The following ACSBG2 variants were observed in gnomAD, a reference collection of about 807,000 sequenced individuals.
ACSBG2 encodes the protein acyl-CoA synthetase bubblegum family member 2.
ACSBG2 carries 62 observed loss-of-function variants against 74.7 expected under a neutral mutation model. The ratio of observed to expected loss-of-function variants is 0.83; its 90% CI spans 0.68 to 1.03. ACSBG2 has a LOEUF of 1.03. ACSBG2 is among the 50% of genes least tolerant of loss of function. ACSBG2 has a pLI of 0.00. For synonymous variants in ACSBG2, 309 were observed against 294.1 expected (o/e 1.05, Z -0.52); for missense variants, 730 against 817.6 (o/e 0.89, Z 1.31).
intron 8 of ACSBG2, among the ~76,000 whole-genome samples, chr19:6,179,472 T>C (rs1311807775): frequency 2.0e-5 from 3 of 151,900 alleles, no homozygotes; most frequent in Admixed American, 6.6e-5. Flanking sequence ...ACTAATTTGT[T>C]TTACAGTGAT....
At chr19:6,179,847 A>T (rs1310539291) in intron 8 of ACSBG2, among the ~76,000 whole-genome samples, 1 of 152,098 alleles carries the variant, frequency 6.6e-6, no homozygotes, top group Admixed American at 6.6e-5. Flanking sequence ...TCTTGAACTC[A>T]AGTGATCTGC....
intron 6 of ACSBG2, among the ~76,000 whole-genome samples, chr19:6,164,789 A>G (rs1308903047): frequency 2.0e-5 from 3 of 152,136 alleles, no homozygotes; most frequent in Admixed American, 6.6e-5. Flanking sequence ...TGGGGGTTCA[A>G]TGGTAGAATT....
At chr19:6,145,952 G>A (rs2089015702) in intron 2 of ACSBG2, among the ~76,000 whole-genome samples, 1 of 151,998 alleles carries the variant, frequency 6.6e-6, no homozygotes, top group Non-Finnish European at 1.5e-5. Context: ...TGGACGATGG[G>A]GAATTATGCA....
intron 13 of ACSBG2, among the ~76,000 whole-genome samples, chr19:6,188,926 T>C (rs1159716676): frequency 3.9e-5 from 6 of 152,194 alleles, no homozygotes; most frequent in Admixed American, 3.9e-4. Context: ...ATATCTCAGA[T>C]GGAAAACTTG....
In ACSBG2 at chr19:6,147,479, G is replaced by A; in HGVS notation, c.101G>A (p.Gly34Glu). 1 of 1,614,182 alleles carries A rather than the reference G, an allele frequency of 6.2e-7. No individual in the cohort carries two copies. The highest frequency in any genetic ancestry group is 1.1e-5 in the South Asian group (1 of 91,078). Residue 34 changes from glycine (G) to glutamate (E), a missense_variant, in exon 3 of 15, where the codon GGA (glycine) becomes GAA (glutamate). Coordinates refer to ENST00000588485, the MANE Select transcript of ACSBG2 (RefSeq NM_030924.5). Reference protein sequence around the residue: ...TPRLWTTCRDGEVLLRLSKHG... With the variant: ...TPRLWTTCRDEEVLLRLSKHG... ...AGGCTGTGGACCACCTGTCGAGATGGAGAAGTCCTTCTGAGGCTATCCAAA... is the reference window on the plus strand; with the variant it reads ...AGGCTGTGGACCACCTGTCGAGATGAAGAAGTCCTTCTGAGGCTATCCAAA...
intron 7 of ACSBG2, among the ~76,000 whole-genome samples, chr19:6,170,691 T>C (rs1274946554): frequency 6.6e-6 from 1 of 152,204 alleles, no homozygotes; most frequent in Non-Finnish European, 1.5e-5. Context: ...ACGTTCCATG[T>C]GCAGATGAGA....
intron 8 of ACSBG2, among the ~76,000 whole-genome samples, chr19:6,182,408 C>G (rs563241247): frequency 1.3e-5 from 2 of 152,288 alleles, no homozygotes; most frequent in South Asian, 4.1e-4. Context: ...TTGCAAAGAA[C>G]GTCTTGAACG....
At chr19:6,181,536 T>C (rs2090255190) in intron 8 of ACSBG2, among the ~76,000 whole-genome samples, 1 of 152,196 alleles carries the variant, frequency 6.6e-6, no homozygotes, top group South Asian at 2.1e-4. Flanking sequence ...AATAATCTTT[T>C]GAAGAGGAAA....
intron 7 of ACSBG2, among the ~76,000 whole-genome samples, chr19:6,168,267 G>A (rs1224094539): frequency 6.6e-6 from 1 of 152,034 alleles, no homozygotes; most frequent in Admixed American, 6.6e-5. Context: ...CATGAGCTCC[G>A]TGGGAAGTAT....
chr19:6,139,682 G>A (rs2088743824), intron 1 of ACSBG2, among the ~76,000 whole-genome samples: 1 of 152,188 alleles, frequency 6.6e-6, no homozygotes, highest in African/African-American at 2.4e-5. Context: ...AGAAAAATCA[G>A]TTTCAATAAA....
At chr19:6,166,059 G>C in intron 7 of ACSBG2, 44 bp downstream of exon 7, 1 of 1,608,562 alleles carries the variant, frequency 6.2e-7, no homozygotes. Context: ...CCTTTGGGCT[G>C]TTTCTCTTGT....
chr19:6,152,071 T>C (rs186966320), intron 4 of ACSBG2, among the ~76,000 whole-genome samples: 1 of 152,204 alleles, frequency 6.6e-6, no homozygotes, highest in African/African-American at 2.4e-5. Context: ...TTTCTGATTA[T>C]GTGCAGAAGC....
chr19:6,135,948 C>CTT (rs200389684), intron 1 of ACSBG2, 39 bp downstream of exon 1: 45 of 148,998 alleles, frequency 3.0e-4, no homozygotes, highest in Non-Finnish European at 5.2e-4. Context: ...GTTTTCTTTT[C>CTT]TTTTTTTTTT....
intron 8 of ACSBG2, among the ~76,000 whole-genome samples, chr19:6,181,199 G>T (rs567368230): frequency 6.9e-6 from 1 of 144,056 alleles, no homozygotes; most frequent in Non-Finnish European, 1.5e-5. Context: ...ACTCCAACCG[G>T]GGCAACAGAG....
intron 4 of ACSBG2, among the ~76,000 whole-genome samples, 163 bp downstream of exon 4, chr19:6,151,958 T>C (rs2145058322): frequency 6.6e-6 from 1 of 152,234 alleles, no homozygotes; most frequent in East Asian, 1.9e-4. Context: ...TCACAGGTCA[T>C]ACGCAATAAC....
chr19:6,158,708 T>C (rs1389910965), intron 5 of ACSBG2, among the ~76,000 whole-genome samples: 1 of 152,148 alleles, frequency 6.6e-6, no homozygotes, highest in East Asian at 1.9e-4. Flanking sequence ...AGATGTGTCT[T>C]TTCATTGATG....
intron 6 of ACSBG2, among the ~76,000 whole-genome samples, chr19:6,162,809 C>A (rs964892026): frequency 1.3e-5 from 2 of 151,898 alleles, no homozygotes; most frequent in Admixed American, 6.6e-5. Flanking sequence ...AGGAATATAT[C>A]CCCTGCCTCC....
rs777120395 is a variant in ACSBG2 at position 6,177,396 on chromosome 19, G to A, written c.906G>A (p.Lys302=). 1.3e-6 allele frequency: 2 copies of A among 1,590,118 alleles called. No individual in the cohort carries two copies. The highest frequency in any genetic ancestry group is 3.6e-5 in the Admixed American group (2 of 56,230). ...LTYFAQADAL[K]GTLVSTLKEV... is the part of the protein sequence containing the mutation. ...ACTTTGCTCAAGCAGATGCTCTCAA[G>A]GTAAGATTGAGTAAGGACCTGGGGC... The change falls in exon 8 of 15, where the codon AAG becomes AAA. Residue 302 remains lysine (K), a splice_region_variant and synonymous_variant. Coordinates refer to ENST00000588485, the MANE Select transcript of ACSBG2 (RefSeq NM_030924.5).
At chr19:6,153,872 A>AG (rs2089318252) in intron 4 of ACSBG2, among the ~76,000 whole-genome samples, 5 of 141,266 alleles carry the variant, frequency 3.5e-5, no homozygotes, top group East Asian at 2.0e-4. Context: ...AGAAAAGAAA[A>AG]GAAAAGAAAA....
Sources: gnomAD v4.1 joint callset for allele counts (sites outside exome capture counted in the v4.1 genomes callset) on GRCh38, gnomAD v4.1.1 for gene constraint, MANE v1.5 for transcripts, NCBI Gene and HGNC (gene_info 2026-07-23, HGNC 2026-07-21) for gene names.